Variants in RNF175 observed in about 807,000 individuals in gnomAD.
The protein encoded by RNF175 is ring finger protein 175.
A neutral mutation model predicts 50.0 loss-of-function variants in RNF175; 38 were observed. That is an observed-to-expected ratio of 0.76 (90% confidence interval 0.59 to 1.00). RNF175 has a LOEUF of 1.00. RNF175 is among the 50% of genes least tolerant of loss of function. The pLI is 0.00. For missense variants in RNF175, 388 were observed against 409.6 expected (o/e 0.95, Z 0.46); for synonymous variants, 155 against 146.1 (o/e 1.06, Z -0.44).
intron 7 of RNF175, 172 bp downstream of exon 7, chr4:153,715,357 C>A: frequency 1.4e-6 from 1 of 699,930 alleles, no homozygotes; most frequent in Non-Finnish European, 2.6e-6. Context: ...ATTAGCAGTT[C>A]ATTATTCAGC....
At chr4:153,732,495 G>A (rs1739100222) in intron 3 of RNF175, among the ~76,000 whole-genome samples, 1 of 152,202 alleles carries the variant, frequency 6.6e-6, no homozygotes, top group Non-Finnish European at 1.5e-5. Flanking sequence ...TATTGGCCCA[G>A]TAATATTTTC....
chr4:153,728,458 C>A, intron 3 of RNF175, 97 bp from the exon 4 acceptor site: 1 of 995,080 alleles, frequency 1.0e-6, no homozygotes, highest in South Asian at 1.5e-5. Flanking sequence ...GGGAGAACCA[C>A]CTTCACCATC....
chr4:153,721,680 G>T (rs143505608), intron 5 of RNF175, among the ~76,000 whole-genome samples: 4 of 152,198 alleles, frequency 2.6e-5, no homozygotes, highest in Admixed American at 2.6e-4. Context: ...CTTTTCTAAA[G>T]GGTTAAGTTT....
At chr4:153,728,826 T>C (rs1320050313) in intron 3 of RNF175, among the ~76,000 whole-genome samples, 1 of 152,182 alleles carries the variant, frequency 6.6e-6, no homozygotes, top group East Asian at 1.9e-4. Flanking sequence ...CATGTATCCA[T>C]ACGAAAGTGA....
chr4:153,710,625 GC>G (rs1737505572), intron 8 of RNF175, 136 bp from the exon 9 acceptor site: 2 of 803,392 alleles, frequency 2.5e-6, no homozygotes, highest in Non-Finnish European at 3.9e-6. Flanking sequence ...TCAATTAAAA[GC>G]CCCTTATGTG....
intron 1 of RNF175, among the ~76,000 whole-genome samples, chr4:153,757,175 C>T (rs1343345037): frequency 1.3e-5 from 2 of 152,182 alleles, no homozygotes; most frequent in Non-Finnish European, 2.9e-5. Flanking sequence ...CCACTTACTC[C>T]AGGACACCCT....
At chr4:153,758,412 T>C (rs2127173347) in intron 1 of RNF175, among the ~76,000 whole-genome samples, 1 of 152,180 alleles carries the variant, frequency 6.6e-6, no homozygotes, top group Middle Eastern at 3.4e-3. Flanking sequence ...GGAAAAGCTG[T>C]GAGTCCCTCC....
chr4:153,751,487 A>G lies in RNF175; in HGVS notation c.67-12T>C. 4 of 1,552,246 alleles carry G rather than the reference A, an allele frequency of 2.6e-6. No homozygotes were observed. The highest frequency in any genetic ancestry group is 3.5e-6 in the Non-Finnish European group (4 of 1,147,034). On this transcript the variant is annotated splice_polypyrimidine_tract_variant and intron_variant, in intron 1 of 8. Coordinates refer to ENST00000347063, the MANE Select transcript of RNF175 (RefSeq NM_173662.4). ...TTTGTATGAGAGAGCTGAAAAACAT[A>G]AAAAGGGCCCTTATCAAAAAATGTC... is the stretch of plus-strand genomic sequence containing the variant.
chr4:153,722,455 C>T (rs1738396696), intron 5 of RNF175, among the ~76,000 whole-genome samples: 1 of 151,858 alleles, frequency 6.6e-6, no homozygotes, highest in African/African-American at 2.4e-5. Context: ...ATTTGGTTTC[C>T]CAGCTTTATT....
Position 153,710,466 on chromosome 4 carries a change from T to C in RNF175, c.890A>G (p.Tyr297Cys), listed in dbSNP as rs372721923. 1 of 1,607,766 alleles carries C rather than the reference T, an allele frequency of 6.2e-7. No individual in the cohort carries two copies. Among genetic ancestry groups the C allele is most frequent in the African/African-American group, 1.3e-5 (1 of 74,844 alleles). The change falls in exon 9 of 9, where the codon TAT becomes TGT. Residue 297 changes from tyrosine (Y) to cysteine (C), a missense_variant. Physicochemically the swap from Tyr to Cys is radical, Grantham distance 194. Coordinates refer to ENST00000347063, the MANE Select transcript of RNF175 (RefSeq NM_173662.4). ...ACGAAGCCAATCCAGGATTTGTCCATACAGAAAATGTGTGCGCTCCCAGCT... is the reference window on the plus strand; with the variant it reads ...ACGAAGCCAATCCAGGATTTGTCCACACAGAAAATGTGTGCGCTCCCAGCT... ...SNPWERTHFLYGQILDWLRYL... is the reference protein window; with the variant it reads ...SNPWERTHFLCGQILDWLRYL...
chr4:153,752,096 C>A (rs1740320596), intron 1 of RNF175, among the ~76,000 whole-genome samples: 1 of 152,198 alleles, frequency 6.6e-6, no homozygotes, highest in Non-Finnish European at 1.5e-5. Flanking sequence ...TTTTGGATGA[C>A]CTGCAGAGTC....
chr4:153,750,274 G>A lies in RNF175; in HGVS notation c.104+1164C>T, dbSNP rs562725996. ...ACACCACAGGGTAACAGTCTGTGCCGTGAGATAGTGACCTTTTAAAGGCAC... is the reference window on the plus strand; with the variant it reads ...ACACCACAGGGTAACAGTCTGTGCCATGAGATAGTGACCTTTTAAAGGCAC... On this transcript the variant is annotated intron_variant, in intron 2 of 8. Coordinates refer to ENST00000347063, the MANE Select transcript of RNF175 (RefSeq NM_173662.4). 2.6e-5 allele frequency among the ~76,000 whole-genome samples: 4 copies of A among 152,300 alleles called. No homozygotes were observed. The East Asian group carries it at 5.8e-4, about 22-fold the overall frequency.
At chr4:153,734,925 C>A (rs1739273448) in intron 3 of RNF175, among the ~76,000 whole-genome samples, 1 of 152,026 alleles carries the variant, frequency 6.6e-6, no homozygotes, top group Admixed American at 6.6e-5. Flanking sequence ...ATCTGCCCAC[C>A]TCGGCCTCCC....
At chr4:153,743,767 CA>C (rs1474197344) in intron 3 of RNF175, among the ~76,000 whole-genome samples, 2 of 152,114 alleles carry the variant, frequency 1.3e-5, no homozygotes, top group Non-Finnish European at 2.9e-5. Context: ...CTAAAGGAGT[CA>C]GGGGGAGGTG....
intron 2 of RNF175, 54 bp from the exon 3 acceptor site, chr4:153,748,840 G>GAAAAAA: frequency 7.6e-7 from 1 of 1,315,668 alleles, no homozygotes; most frequent in Non-Finnish European, 1.0e-6. Context: ...TGCGCATTTA[G>GAAAAAA]CAAAAAAAAC....
intron 3 of RNF175, among the ~76,000 whole-genome samples, chr4:153,736,710 C>T (rs6835943): frequency 0.014 from 2,125 of 152,208 alleles, 61 homozygotes; most frequent in African/African-American, 0.048. Context: ...CTATTCAGTT[C>T]ATCTATTTCT....
chr4:153,724,920 A>G (rs1205679891), intron 4 of RNF175, among the ~76,000 whole-genome samples: 28 of 120,686 alleles, frequency 2.3e-4, no homozygotes, highest in Admixed American at 1.8e-4. Flanking sequence ...GTGGGGGACC[A>G]GGCAGAGGTG....
intron 7 of RNF175, chr4:153,715,290 T>A: frequency 1.8e-6 from 1 of 552,730 alleles, no homozygotes; most frequent in Non-Finnish European, 3.3e-6. Context: ...TTCCTGTCTA[T>A]GTGGCATTAA....
rs369936021 is a variant in RNF175 at position 153,748,746 on chromosome 4, C to T, written c.145G>A (p.Asp49Asn). Residue 49 changes from aspartate to asparagine, a missense_variant, in exon 3 of 9, where the codon GAT becomes AAT. Coordinates refer to ENST00000347063, the MANE Select transcript of RNF175 (RefSeq NM_173662.4). ...AAGATCATTTCCACGTGCATGGAAT[C>T]GTGGCCCCGGTGCATCTTGTACATC... is the stretch of plus-strand genomic sequence containing the variant. Reference protein sequence around the residue: ...ERMYKMHRGHDSMHVEMILIF... With the variant: ...ERMYKMHRGHNSMHVEMILIF... The T allele has an allele frequency of 5.4e-5, 87 of 1,611,694 alleles. No individual in the cohort carries two copies. The highest frequency in any genetic ancestry group is 8.4e-5 in the Admixed American group (5 of 59,774).
Sources: allele counts gnomAD v4.1 joint callset (sites outside exome capture counted in the v4.1 genomes callset), GRCh38; gene constraint gnomAD v4.1.1; transcripts MANE v1.5; gene names NCBI Gene and HGNC (gene_info 2026-07-23, HGNC 2026-07-21).